NEGR1: variants seen among roughly 807,000 people sequenced by gnomAD.
The protein encoded by NEGR1 is neuronal growth regulator 1.
In NEGR1, 10 loss-of-function variants were observed where a neutral mutation model predicts 40.9. The observed-to-expected ratio is 0.24, with a 90% CI of 0.15 to 0.42. NEGR1 has a LOEUF of 0.42. Among genes scored for constraint, NEGR1 ranks in the 10% least tolerant of loss-of-function variants. The pLI is 1.00. For missense variants in NEGR1, 352 were observed against 438.9 expected (o/e 0.80, Z 1.77); for synonymous variants, 185 against 166.8 (o/e 1.11, Z -0.84).
At chr1:72,206,302 GCTTA>G (rs1390634935) in intron 1 of NEGR1, among the ~76,000 whole-genome samples, 2 of 151,864 alleles carry the variant, frequency 1.3e-5, no homozygotes, top group Non-Finnish European at 2.9e-5. Context: ...TGAAAATGTG[GCTTA>G]CTGTGAGAAG....
intron 6 of NEGR1, among the ~76,000 whole-genome samples, chr1:71,485,876 T>C (rs1646884674): frequency 6.6e-6 from 1 of 151,728 alleles, no homozygotes; most frequent in South Asian, 2.1e-4. Context: ...TTTTTGCAAT[T>C]ATGAATAAAG....
chr1:71,759,390 C>T (rs1009110773), intron 3 of NEGR1, among the ~76,000 whole-genome samples: 1 of 140,030 alleles, frequency 7.1e-6, no homozygotes, highest in Non-Finnish European at 1.5e-5. Flanking sequence ...CTCCGCTTCC[C>T]GGGTTCAAGT....
In NEGR1 at chr1:71,400,697, G is replaced by C. The variant is rs1035380900; in HGVS notation, c.*6749C>G. On this transcript the variant is annotated 3_prime_UTR_variant, in exon 7 of 7. Coordinates refer to ENST00000357731, the MANE Select transcript of NEGR1 (RefSeq NM_173808.3). ...TTAAAGTAGGCATTACATTATCAAA[G>C]CTCAAAATGTTAGCAATGAATTTAA... 1 of 150,984 alleles carries C rather than the reference G, an allele frequency of 6.6e-6. No homozygotes were observed. The highest frequency in any genetic ancestry group is 1.5e-5 in the Non-Finnish European group (1 of 67,842). The allele number at this position is 150,984 out of a possible 1,614,324, so 9.4% of individuals were successfully genotyped here.
intron 1 of NEGR1, among the ~76,000 whole-genome samples, chr1:72,096,744 T>G (rs1157468608): frequency 6.6e-6 from 1 of 152,122 alleles, no homozygotes; most frequent in African/African-American, 2.4e-5. Flanking sequence ...TCACTGCAGC[T>G]CCACCTCCCG....
chr1:72,222,323 C>T (rs1455355139), intron 1 of NEGR1, among the ~76,000 whole-genome samples: 3 of 152,294 alleles, frequency 2.0e-5, no homozygotes, highest in Admixed American at 6.5e-5. Flanking sequence ...GCTGCAAGCA[C>T]GCTCATGGAC....
At chr1:72,058,064 C>T (rs1397261168) in intron 1 of NEGR1, among the ~76,000 whole-genome samples, 1 of 151,408 alleles carries the variant, frequency 6.6e-6, no homozygotes, top group Non-Finnish European at 1.5e-5. Context: ...AGTTGGGAAA[C>T]ATCTGAAGAA....
intron 1 of NEGR1, among the ~76,000 whole-genome samples, chr1:71,940,273 G>GT (rs1324856848): frequency 1.3e-5 from 2 of 152,076 alleles, no homozygotes; most frequent in Non-Finnish European, 2.9e-5. Flanking sequence ...CTTTAATCGA[G>GT]TATGGCATAG....
At chr1:71,857,069 T>C (rs1405551115) in intron 2 of NEGR1, among the ~76,000 whole-genome samples, 8 of 152,034 alleles carry the variant, frequency 5.3e-5, no homozygotes, top group Admixed American at 3.3e-4. Flanking sequence ...GATATCGCAC[T>C]GAGATGACTT....
At chr1:71,805,091 G>C (rs1361746827) in intron 2 of NEGR1, among the ~76,000 whole-genome samples, 2 of 152,058 alleles carry the variant, frequency 1.3e-5, no homozygotes, top group African/African-American at 4.8e-5. Context: ...GCGCTCCCAG[G>C]CTTATTAGGA....
chr1:71,638,495 G>T (rs1651236495), intron 4 of NEGR1, among the ~76,000 whole-genome samples: 1 of 152,046 alleles, frequency 6.6e-6, no homozygotes, highest in Admixed American at 6.6e-5. Context: ...AAGAATTTCT[G>T]TTTGACGCTT....
At chr1:71,648,375 T>G (rs1651601723) in intron 4 of NEGR1, among the ~76,000 whole-genome samples, 1 of 152,026 alleles carries the variant, frequency 6.6e-6, no homozygotes, top group Admixed American at 6.6e-5. Flanking sequence ...CCAGTAATTC[T>G]GATAACATCA....
intron 4 of NEGR1, among the ~76,000 whole-genome samples, chr1:71,675,974 G>A (rs1652620864): frequency 6.6e-6 from 1 of 151,740 alleles, no homozygotes; most frequent in Non-Finnish European, 1.5e-5. Context: ...ACCGATTTTA[G>A]TTTCTATACA....
chr1:72,113,809 C>A (rs1649477954), intron 1 of NEGR1, among the ~76,000 whole-genome samples: 1 of 151,730 alleles, frequency 6.6e-6, no homozygotes, highest in African/African-American at 2.4e-5. Context: ...CTGTCAGTTT[C>A]TCAGTTATTG....
intron 1 of NEGR1, among the ~76,000 whole-genome samples, chr1:72,000,690 T>C (rs983470997): frequency 1.3e-5 from 2 of 152,208 alleles, no homozygotes; most frequent in Admixed American, 1.3e-4. Flanking sequence ...TTCTTCCATT[T>C]AAATTGTTTC....
intron 2 of NEGR1, among the ~76,000 whole-genome samples, chr1:71,826,619 A>ATTC (rs547120946): frequency 4.0e-5 from 6 of 151,294 alleles, no homozygotes; most frequent in African/African-American, 1.5e-4. Context: ...AGGAAGAAAG[A>ATTC]TTCTTCCCCT....
chr1:72,273,873 C>T (rs1210836327), intron 1 of NEGR1, among the ~76,000 whole-genome samples: 2 of 151,480 alleles, frequency 1.3e-5, no homozygotes, highest in Non-Finnish European at 3.0e-5. Context: ...TCTTCACTTA[C>T]CCTTCCATTG....
chr1:71,805,412 C>A (rs1657728938), intron 2 of NEGR1, among the ~76,000 whole-genome samples: 1 of 152,122 alleles, frequency 6.6e-6, no homozygotes, highest in Non-Finnish European at 1.5e-5. Flanking sequence ...CATGTGATGT[C>A]TCCCCCGGAC....
chr1:71,646,210 A>G (rs915847562), intron 4 of NEGR1, among the ~76,000 whole-genome samples: 4 of 151,442 alleles, frequency 2.6e-5, no homozygotes, highest in African/African-American at 9.7e-5. Context: ...ATACACATAC[A>G]TATACATAAA....
At chr1:71,862,946 C>A (rs928724023) in intron 2 of NEGR1, among the ~76,000 whole-genome samples, 1 of 152,150 alleles carries the variant, frequency 6.6e-6, no homozygotes, top group Admixed American at 6.5e-5. Context: ...AGTCAAGAAA[C>A]AACAAATGCT....
Sources: gnomAD v4.1 joint callset for allele counts (sites outside exome capture counted in the v4.1 genomes callset) on GRCh38, gnomAD v4.1.1 for gene constraint, MANE v1.5 for transcripts, NCBI Gene and HGNC (gene_info 2026-07-23, HGNC 2026-07-21) for gene names.